The following PLA1A variants were observed in gnomAD, a reference collection of about 807,000 sequenced individuals.
PLA1A encodes the protein phospholipase A1 member A, also known as phosphatidylserine-specific phospholipase A1alpha.
In PLA1A, 47 loss-of-function variants were observed where a neutral mutation model predicts 49.4. The observed-to-expected ratio is 0.95, with a 90% CI of 0.75 to 1.21. PLA1A has a LOEUF of 1.21. Ranked by LOEUF, PLA1A falls within the 50% of genes most tolerant of loss-of-function variation. PLA1A has a pLI of 0.00. For missense variants in PLA1A, 561 were observed against 563.9 expected (o/e 0.99, Z 0.05); for synonymous variants, 224 against 207.9 (o/e 1.08, Z -0.67).
intron 8 of PLA1A, among the ~76,000 whole-genome samples, chr3:119,623,372 CCT>C (rs1323489704): frequency 6.6e-6 from 1 of 152,114 alleles, no homozygotes; most frequent in Non-Finnish European, 1.5e-5. Context: ...GTCTTGAACT[CCT>C]GGGCTCAAGT....
intron 2 of PLA1A, 141 bp downstream of exon 2, chr3:119,607,116 G>C (rs1029904915): frequency 7.3e-6 from 5 of 685,350 alleles, no homozygotes; most frequent in African/African-American, 1.8e-5. Context: ...TGCTGTCTTT[G>C]ATGGGGTCTC....
intron 3 of PLA1A, 22 bp from the exon 4 acceptor site, chr3:119,609,446 C>A (rs1324423341): frequency 6.2e-6 from 9 of 1,462,724 alleles, no homozygotes; most frequent in Non-Finnish European, 8.6e-6. Flanking sequence ...CCACGGGGAA[C>A]TCACTGTTCC....
intron 3 of PLA1A, 41 bp from the exon 4 acceptor site, chr3:119,609,427 C>T: frequency 7.9e-7 from 1 of 1,272,814 alleles, no homozygotes; most frequent in Non-Finnish European, 1.2e-6. Context: ...AGCCAGCAGA[C>T]TCTGTGGCCC....
At chr3:119,622,511 CT>C (rs1480138100) in intron 8 of PLA1A, among the ~76,000 whole-genome samples, 1 of 152,150 alleles carries the variant, frequency 6.6e-6, no homozygotes, top group Non-Finnish European at 1.5e-5. Flanking sequence ...TTCTTGGCAT[CT>C]TGGCACCTTT....
intron 8 of PLA1A, among the ~76,000 whole-genome samples, chr3:119,621,357 T>A (rs2082927039): frequency 6.6e-6 from 1 of 152,168 alleles, no homozygotes; most frequent in South Asian, 2.1e-4. Flanking sequence ...GAGGGGCACA[T>A]AAACAGGCAT....
intron 7 of PLA1A, among the ~76,000 whole-genome samples, chr3:119,619,355 A>G (rs1344201417): frequency 6.6e-6 from 1 of 152,214 alleles, no homozygotes; most frequent in Admixed American, 6.5e-5. Context: ...TCTGAAAAGC[A>G]TATTTCCGTT....
intron 3 of PLA1A, 41 bp downstream of exon 3, chr3:119,608,988 G>A: frequency 6.5e-7 from 1 of 1,529,114 alleles, no homozygotes; most frequent in Non-Finnish European, 9.1e-7. Context: ...GGCTGCGTAT[G>A]AGGAGAGAGG....
chr3:119,620,821 C>T (rs567650756), intron 8 of PLA1A, among the ~76,000 whole-genome samples: 2 of 152,334 alleles, frequency 1.3e-5, no homozygotes, highest in East Asian at 3.9e-4. Context: ...CTTATCAGCT[C>T]TTTCAACAAC....
intron 5 of PLA1A, among the ~76,000 whole-genome samples, chr3:119,613,811 T>A (rs943773573): frequency 6.6e-5 from 10 of 151,580 alleles, no homozygotes; most frequent in Non-Finnish European, 1.5e-4. Flanking sequence ...GAGAATGGCG[T>A]GAACCCGGGA....
At position 119,622,984 on chromosome 3, in the gene PLA1A, ACC is replaced by A. The variant is rs71639095; in HGVS notation, c.1013-2138_1013-2137del. Among the ~76,000 whole-genome samples, 5 of 150,570 alleles carry A rather than the reference ACC, an allele frequency of 3.3e-5. No individual in the cohort carries two copies. In the East Asian group the frequency reaches 7.9e-4, roughly 24 times the overall value. On this transcript the variant is annotated intron_variant, in intron 8 of 10. Coordinates refer to ENST00000273371, the MANE Select transcript of PLA1A (RefSeq NM_015900.4). ...TGGGACTACAGGCATCCACCACCAC[ACC>A]CTGCTAATTTTTTTGTATTTTTAGT...
intron 8 of PLA1A, 115 bp downstream of exon 8, chr3:119,619,767 T>A: frequency 1.3e-6 from 1 of 763,824 alleles, no homozygotes; most frequent in Non-Finnish European, 2.3e-6. Flanking sequence ...TCACCGGAGG[T>A]GTGGCAACAG....
At chr3:119,626,114 C>G (rs1414882398) in intron 9 of PLA1A, among the ~76,000 whole-genome samples, 1 of 152,074 alleles carries the variant, frequency 6.6e-6, no homozygotes, top group African/African-American at 2.4e-5. Flanking sequence ...ACAACAGGAG[C>G]CAATACAACC....
At position 119,629,498 on chromosome 3, in the gene PLA1A, A is replaced by ATTAT. The variant is rs1553795320; in HGVS notation, c.*32_*33insATTT. On this transcript the variant is annotated 3_prime_UTR_variant, in exon 11 of 11. Coordinates refer to ENST00000273371, the MANE Select transcript of PLA1A (RefSeq NM_015900.4). ...ACCTGGGCAGGACACATCTCCCTGC[A>ATTAT]TTTTTTTTTTTTTTTTGAGAGAGAG... 18 of 876,846 alleles carry ATTAT rather than the reference A, an allele frequency of 2.1e-5. No homozygotes were observed. The highest frequency in any genetic ancestry group is 2.3e-4 in the Middle Eastern group (1 of 4,302). 54.3% of individuals were successfully genotyped at this position (876,846 alleles called of 1,614,324 possible). A position where few individuals can be genotyped will look rare whatever the true frequency, so the allele number is the denominator to read the frequency against.
chr3:119,600,767 G>A (rs2082607866), intron 1 of PLA1A, among the ~76,000 whole-genome samples: 2 of 152,260 alleles, frequency 1.3e-5, no homozygotes. Context: ...ACTCCTGGCT[G>A]CTGATGCCTC....
intron 3 of PLA1A, among the ~76,000 whole-genome samples, 199 bp from the exon 4 acceptor site, chr3:119,609,269 A>T (rs2082733348): frequency 6.6e-6 from 1 of 152,160 alleles, no homozygotes; most frequent in Non-Finnish European, 1.5e-5. Flanking sequence ...AAGGAGAGTA[A>T]GGGGGTTGTC....
intron 5 of PLA1A, among the ~76,000 whole-genome samples, chr3:119,615,345 T>C (rs1001268295): frequency 2.0e-5 from 3 of 152,184 alleles, no homozygotes; most frequent in Admixed American, 6.5e-5. Context: ...AGATATGTTT[T>C]TGGGGAGACT....
At position 119,606,901 on chromosome 3, in the gene PLA1A, A is replaced by T. The variant is rs778321449; in HGVS notation, c.201A>T (p.Val67=). The change falls in exon 2 of 11, where the codon GTA becomes GTT. Residue 67 remains valine, a synonymous_variant. Coordinates refer to ENST00000273371, the MANE Select transcript of PLA1A (RefSeq NM_015900.4). ...VPSNPSCGQL[V]EGSSDLQNSG... The stretch of plus-strand genomic sequence containing the variant: ...CGAATCCTAGCTGTGGGCAGCTAGT[A>T]GAAGGAAGCAGTGACCTCCAAAACT... 8.1e-6 allele frequency: 13 copies of T among 1,614,068 alleles called. No individual in the cohort carries two copies. Among genetic ancestry groups the T allele is most frequent in the African/African-American group, 1.3e-5 (1 of 74,926 alleles).
intron 1 of PLA1A, chr3:119,600,284 T>C: frequency 1.5e-6 from 1 of 660,370 alleles, no homozygotes. Context: ...CACACCTAGT[T>C]TTTCCTTGGA....
chr3:119,599,364 G>A (rs775540544), intron 1 of PLA1A, among the ~76,000 whole-genome samples: 1 of 152,150 alleles, frequency 6.6e-6, no homozygotes, highest in Non-Finnish European at 1.5e-5. Flanking sequence ...CCACCTTGGA[G>A]AGAAGGTGGG....
Sources: gnomAD v4.1 joint callset for allele counts (sites outside exome capture counted in the v4.1 genomes callset) on GRCh38, gnomAD v4.1.1 for gene constraint, MANE v1.5 for transcripts, NCBI Gene and HGNC (gene_info 2026-07-23, HGNC 2026-07-21) for gene names.